Variants in MAGI2 observed in about 807,000 individuals in gnomAD.
The protein encoded by MAGI2 is membrane associated guanylate kinase, WW and PDZ domain containing 2.
A neutral mutation model predicts 133.3 loss-of-function variants in MAGI2; 35 were observed. That is an observed-to-expected ratio of 0.26 (90% confidence interval 0.20 to 0.35). The LOEUF (loss-of-function observed/expected upper bound fraction) is 0.35, where lower values mean the gene tolerates loss of function less well. Among genes scored for constraint, MAGI2 ranks in the 10% least tolerant of loss-of-function variants. MAGI2 has a pLI of 1.00. For synonymous variants in MAGI2, 729 were observed against 710.6 expected, an observed-to-expected ratio of 1.03 and a Z score of -0.41; for missense variants, 1,636 against 1,863.4, an observed-to-expected ratio of 0.88 and a Z score of 2.25.
At chr7:78,392,636 ATTTT>A (rs1795997343) in intron 6 of MAGI2, among the ~76,000 whole-genome samples, 1 of 152,000 alleles carries the variant, frequency 6.6e-6, no homozygotes, top group Admixed American at 6.6e-5. Flanking sequence ...TTGTATTCTT[ATTTT>A]TTTATTTTTT....
chr7:79,352,833 C>T (rs567261382), intron 1 of MAGI2, among the ~76,000 whole-genome samples: 1 of 152,156 alleles, frequency 6.6e-6, no homozygotes, highest in South Asian at 2.1e-4. Context: ...CTCATGCTAG[C>T]TGAGTTTTAG....
At chr7:79,170,332 C>G (rs777541122) in intron 1 of MAGI2, among the ~76,000 whole-genome samples, 1 of 151,204 alleles carries the variant, frequency 6.6e-6, no homozygotes, top group South Asian at 2.1e-4. Context: ...GCCACCATTC[C>G]TGGCTAATGT....
chr7:78,084,353 C>T (rs1816383000), intron 20 of MAGI2, among the ~76,000 whole-genome samples: 1 of 152,204 alleles, frequency 6.6e-6, no homozygotes, highest in African/African-American at 2.4e-5. Flanking sequence ...ACAGGGAACA[C>T]ACCTATTGTC....
Position 78,162,550 on chromosome 7 carries a change from C to A in MAGI2, c.2597-2277G>T, listed in dbSNP as rs535535406. Among the ~76,000 whole-genome samples, 775 of 145,238 alleles carry A rather than the reference C, an allele frequency of 5.3e-3. 9 individuals carry two copies. The highest frequency in any genetic ancestry group is 0.018 in the African/African-American group (717 of 39,184). ...AAAAAAAAAAAACAAAAAACAAAAA[C>A]GAAAGAAGAATTATCTGTCTTTGCA... On this transcript the variant is annotated intron_variant, in intron 15 of 21. Coordinates refer to ENST00000354212, the MANE Select transcript of MAGI2 (RefSeq NM_012301.4).
At chr7:78,200,561 G>T (rs149369418) in intron 11 of MAGI2, among the ~76,000 whole-genome samples, 4 of 152,016 alleles carry the variant, frequency 2.6e-5, no homozygotes. Flanking sequence ...TTAAATATAC[G>T]TGTGTGTGTA....
chr7:79,012,918 G>A (rs1020539948), intron 1 of MAGI2, among the ~76,000 whole-genome samples: 2 of 152,082 alleles, frequency 1.3e-5, no homozygotes, highest in African/African-American at 2.4e-5. Flanking sequence ...ATGGCCAAGA[G>A]GAAAATAATG....
Position 78,019,473 on chromosome 7 carries a change from C to T in MAGI2, c.4210G>A (p.Gly1404Ser), listed in dbSNP as rs1808078561. Residue 1404 changes from glycine to serine, a missense_variant, in exon 22 of 22, where the codon GGC (glycine) becomes AGC (serine). Physicochemically the swap from Gly to Ser is moderately conservative, Grantham distance 56. This residue lies in a region of MAGI2 where 354 missense variants were observed against 298.7 expected (regional missense o/e 1.19). Transcript: ENST00000354212. ...GGACCCGCGCGCGCACCCGCCCTGC[C>T]CTCGGCCTCCAGCGCGCCGCTGCCG... Reference protein sequence around the residue: ...GGGSGALEAEGRAGARAGPRP... With the variant: ...GGGSGALEAESRAGARAGPRP... The T allele has an allele frequency of 5.1e-6, 5 of 980,332 alleles. No homozygotes were observed. Among genetic ancestry groups the T allele is most frequent in the Non-Finnish European group, 6.0e-6 (5 of 828,232 alleles). The allele number at this position is 980,332 out of a possible 1,614,324, so 60.7% of individuals were successfully genotyped here. A position where few individuals can be genotyped will look rare whatever the true frequency, so the allele number is the denominator to read the frequency against.
At chr7:78,885,880 C>T (rs116846303) in intron 2 of MAGI2, among the ~76,000 whole-genome samples, 1 of 152,132 alleles carries the variant, frequency 6.6e-6, no homozygotes. Context: ...TTTACCAAAA[C>T]ACATTTCAGC....
chr7:78,736,780 G>C (rs1285826088), intron 2 of MAGI2, among the ~76,000 whole-genome samples: 1 of 152,052 alleles, frequency 6.6e-6, no homozygotes, highest in African/African-American at 2.4e-5. Flanking sequence ...TGGGGGTGGG[G>C]GGAGTGTCAG....
intron 1 of MAGI2, among the ~76,000 whole-genome samples, chr7:79,138,445 TA>T (rs1308771693): frequency 6.6e-6 from 1 of 152,190 alleles, no homozygotes; most frequent in Non-Finnish European, 1.5e-5. Context: ...ATTATTTTCA[TA>T]AAATTTATCA....
At chr7:78,053,320 G>T (rs1316392757) in intron 21 of MAGI2, among the ~76,000 whole-genome samples, 1 of 152,216 alleles carries the variant, frequency 6.6e-6, no homozygotes, top group African/African-American at 2.4e-5. Flanking sequence ...TTTGTCAGAT[G>T]TGTAGGTGAG....
At chr7:78,465,924 A>G (rs2216075) in intron 6 of MAGI2, among the ~76,000 whole-genome samples, 116,737 of 152,050 alleles carry the variant, frequency 0.77, 47,210 homozygotes, top group Non-Finnish European at 0.91. Context: ...GCAAGACAGG[A>G]AAATACAGTT....
At chr7:78,590,635 T>A (rs1803900518) in intron 3 of MAGI2, among the ~76,000 whole-genome samples, 3 of 152,204 alleles carry the variant, frequency 2.0e-5, no homozygotes, top group Admixed American at 2.0e-4. Context: ...ACAAATGCTT[T>A]TTGCTAGTCA....
chr7:78,267,986 T>G (rs973177627), intron 9 of MAGI2, among the ~76,000 whole-genome samples: 5 of 152,180 alleles, frequency 3.3e-5, no homozygotes, highest in African/African-American at 1.2e-4. Context: ...ACCAAAGATT[T>G]TAAGTTGCCC....
chr7:78,387,849 C>T (rs2151306974), intron 6 of MAGI2, among the ~76,000 whole-genome samples: 1 of 151,996 alleles, frequency 6.6e-6, no homozygotes, highest in South Asian at 2.1e-4. Context: ...GCGCTTAAGC[C>T]CAGGAGGCGG....
chr7:78,467,451 A>G (rs1339656139), intron 6 of MAGI2, among the ~76,000 whole-genome samples: 1 of 152,116 alleles, frequency 6.6e-6, no homozygotes, highest in Non-Finnish European at 1.5e-5. Flanking sequence ...TAAAACAAAA[A>G]ACTATCAGTA....
chr7:78,624,717 G>C (rs1808143806), intron 3 of MAGI2, among the ~76,000 whole-genome samples: 1 of 16,896 alleles, frequency 5.9e-5, no homozygotes, highest in Admixed American at 7.1e-4. Context: ...GTAGGTGATG[G>C]GGATGATCTG....
intron 2 of MAGI2, among the ~76,000 whole-genome samples, chr7:78,775,035 C>T (rs1029822960): frequency 2.6e-5 from 4 of 151,890 alleles, no homozygotes; most frequent in African/African-American, 4.8e-5. Flanking sequence ...AGGTCAGGGC[C>T]GGGCGCAGTG....
rs1185043187 is a variant in MAGI2 at position 78,358,162 on chromosome 7, C to CAAA, written c.1103+10991_1103+10993dup. On this transcript the variant is annotated intron_variant, in intron 7 of 21. Coordinates refer to ENST00000354212, the MANE Select transcript of MAGI2 (RefSeq NM_012301.4). ...TGGGCGACAGAGCAAGACTTTGCCT[C>CAAA]AAAAAAAAAAAAAAAAAAAAAAAAA... 4.5e-4 allele frequency: 22 copies of CAAA among 48,732 alleles called. 1 individual carries two copies. Among genetic ancestry groups the CAAA allele is most frequent in the Non-Finnish European group, 6.8e-4 (19 of 28,096 alleles). 3.0% of individuals were successfully genotyped at this position (48,732 alleles called of 1,614,324 possible). A position where few individuals can be genotyped will look rare whatever the true frequency, so the allele number is the denominator to read the frequency against.
Sources: allele counts gnomAD v4.1 joint callset (sites outside exome capture counted in the v4.1 genomes callset), GRCh38; gene constraint gnomAD v4.1.1; regional missense constraint gnomAD v4.1.1; transcripts MANE v1.5; gene names NCBI Gene and HGNC (gene_info 2026-07-23, HGNC 2026-07-21).